The following RCSD1 variants were observed in gnomAD, a reference collection of about 807,000 sequenced individuals.
The protein encoded by RCSD1 is RCSD domain containing 1.
In RCSD1, 26 loss-of-function variants were observed where a neutral mutation model predicts 42.5. The ratio of observed to expected loss-of-function variants is 0.61; its 90% CI spans 0.45 to 0.85. The LOEUF (loss-of-function observed/expected upper bound fraction) is 0.85, where lower values mean the gene tolerates loss of function less well. Among genes scored for constraint, RCSD1 ranks in the 40% least tolerant of loss-of-function variants. The probability of loss-of-function intolerance (pLI) is 0.00; values close to 1 mark genes in which losing one functional copy is unlikely to be tolerated. For missense variants in RCSD1, 571 were observed against 528.3 expected, an observed-to-expected ratio of 1.08 and a Z score of -0.79; for synonymous variants, 220 against 212.2, an observed-to-expected ratio of 1.04 and a Z score of -0.32.
In RCSD1 at chr1:167,697,285, G is replaced by A; in HGVS notation, c.661G>A (p.Glu221Lys). The change falls in exon 6 of 7, where the codon GAG becomes AAG. Residue 221 changes from glutamate to lysine, a missense_variant. Transcript: ENST00000367854. The part of the protein sequence containing the change: ...SKAPGSPLSS[E>K]GAAGEGVRTL... ...GGCCCCAGGATCCCCTTTGTCCAGT[G>A]AGGGAGCAGCGGGAGAGGGAGTGAG... The A allele has an allele frequency of 1.2e-6, 2 of 1,614,178 alleles. No individual in the cohort carries two copies. The highest frequency in any genetic ancestry group is 1.7e-6 in the Non-Finnish European group (2 of 1,180,034).
chr1:167,703,326 G>A (rs938948705), intron 6 of RCSD1, among the ~76,000 whole-genome samples: 4 of 151,902 alleles, frequency 2.6e-5, no homozygotes, highest in African/African-American at 4.8e-5. Flanking sequence ...CCTCAGCCCC[G>A]AGCATGACCA....
Position 167,697,688 on chromosome 1 carries a change from G to A in RCSD1, c.1064G>A (p.Gly355Glu), listed in dbSNP as rs1030638833. Reference protein sequence around the residue: ...VKETPHSPPGGVKGGDVPKQE... With the variant: ...VKETPHSPPGEVKGGDVPKQE... The stretch of plus-strand genomic sequence containing the variant: ...GAGACCCCCCACAGTCCCCCTGGAG[G>A]AGTGAAGGGCGGAGATGTCCCCAAG... Residue 355 changes from glycine (G) to glutamate (E), a missense_variant, in exon 6 of 7, where the codon GGA becomes GAA. Gly to Glu is a moderately conservative substitution (Grantham distance 98). Coordinates refer to ENST00000367854, the MANE Select transcript of RCSD1 (RefSeq NM_052862.4). The A allele has an allele frequency of 6.2e-7, 1 of 1,604,428 alleles. No homozygotes were observed.
intron 1 of RCSD1, among the ~76,000 whole-genome samples, chr1:167,661,076 C>T (rs74120616): frequency 0.071 from 10,788 of 152,252 alleles, 903 homozygotes; most frequent in African/African-American, 0.2. Context: ...CCCCTAACCA[C>T]ATTAAGTAAA....
At chr1:167,692,759 T>C (rs948751773) in intron 4 of RCSD1, among the ~76,000 whole-genome samples, 13 of 152,222 alleles carry the variant, frequency 8.5e-5, no homozygotes, top group Admixed American at 3.3e-4. Context: ...GTCTGTATGA[T>C]ACCTTCTTTA....
chr1:167,639,494 C>A (rs1463826366), intron 1 of RCSD1, among the ~76,000 whole-genome samples: 1 of 149,570 alleles, frequency 6.7e-6, no homozygotes, highest in Non-Finnish European at 1.5e-5. Flanking sequence ...TTTTTTTTTT[C>A]TTTGTTTGTT....
chr1:167,662,945 T>C (rs1211501303), intron 1 of RCSD1, among the ~76,000 whole-genome samples: 5 of 152,236 alleles, frequency 3.3e-5, no homozygotes, highest in Admixed American at 6.5e-5. Context: ...TCTTACGTTA[T>C]GTTAAAAATG....
rs1571096022 is a variant in RCSD1, at chr1:167,685,436, C to T, written c.124C>T (p.Pro42Ser). 5.0e-6 allele frequency: 8 copies of T among 1,613,728 alleles called. No individual in the cohort carries two copies. The South Asian group carries it at 7.7e-5, about 16-fold the overall frequency. The change falls in exon 3 of 7, where the codon CCA (proline) becomes TCA (serine). Residue 42 changes from proline to serine, a missense_variant. Pro to Ser is a moderately conservative substitution (Grantham distance 74). Transcript: ENST00000367854. The part of the protein sequence containing the change: ...AAAKETPASK[P>S]TRRKPPCSLP... Reference sequence around the variant, plus strand: ...CTCCCTCCAGACACCAGCCAGTAAACCAACCCGAAGGAAACCGCCCTGTTC... The same window carrying T: ...CTCCCTCCAGACACCAGCCAGTAAATCAACCCGAAGGAAACCGCCCTGTTC...
At chr1:167,690,380 T>A (rs1354474136) in intron 4 of RCSD1, among the ~76,000 whole-genome samples, 2 of 152,146 alleles carry the variant, frequency 1.3e-5, no homozygotes, top group African/African-American at 2.4e-5. Flanking sequence ...GGTAACGGGA[T>A]ACCTCAAGAG....
intron 4 of RCSD1, among the ~76,000 whole-genome samples, chr1:167,691,629 A>G (rs576842056): frequency 6.6e-6 from 1 of 152,354 alleles, no homozygotes; most frequent in South Asian, 2.1e-4. Flanking sequence ...CAGAGGTGTC[A>G]AGACGAATAG....
At chr1:167,673,330 C>T (rs113677768) in intron 1 of RCSD1, among the ~76,000 whole-genome samples, 13 of 152,296 alleles carry the variant, frequency 8.5e-5, no homozygotes, top group South Asian at 8.3e-4. Context: ...TATCTGCTTC[C>T]GCGTAATCCT....
At chr1:167,692,813 A>G (rs1659407591) in intron 4 of RCSD1, among the ~76,000 whole-genome samples, 1 of 152,156 alleles carries the variant, frequency 6.6e-6, no homozygotes, top group South Asian at 2.1e-4. Context: ...AAACGTGTGC[A>G]ATGCTTTCAA....
intron 1 of RCSD1, among the ~76,000 whole-genome samples, chr1:167,631,439 G>A (rs547447181): frequency 2.0e-5 from 3 of 152,328 alleles, no homozygotes; most frequent in South Asian, 2.1e-4. Context: ...AGTTAACTCC[G>A]CTATCTCTTC....
chr1:167,665,723 A>G (rs964705831), intron 1 of RCSD1, among the ~76,000 whole-genome samples: 1 of 152,126 alleles, frequency 6.6e-6, no homozygotes, highest in East Asian at 1.9e-4. Flanking sequence ...TAATGTGCTT[A>G]TTAGTGATTC....
intron 1 of RCSD1, among the ~76,000 whole-genome samples, chr1:167,640,258 A>C (rs940531808): frequency 2.6e-5 from 4 of 152,150 alleles, no homozygotes; most frequent in Non-Finnish European, 1.5e-5. Flanking sequence ...GCAGAGTGTC[A>C]GCAGGACCTC....
intron 1 of RCSD1, among the ~76,000 whole-genome samples, chr1:167,680,692 C>T (rs12058376): frequency 0.15 from 23,471 of 151,950 alleles, 2,227 homozygotes; most frequent in East Asian, 0.45. Flanking sequence ...AGTCTGGTCT[C>T]GAACTCCTGA....
chr1:167,685,451 C>G lies in RCSD1; in HGVS notation c.139C>G (p.Pro47Ala). The G allele has an allele frequency of 6.2e-7, 1 of 1,613,818 alleles. No homozygotes were observed. ...AGCCAGTAAACCAACCCGAAGGAAA[C>G]CGCCCTGTTCCCTCCCCCTGTTCCC... ...TPASKPTRRKPPCSLPLFPPK... is the reference protein window; with the variant it reads ...TPASKPTRRKAPCSLPLFPPK... The change falls in exon 3 of 7, where the codon CCG (proline) becomes GCG (alanine). Residue 47 changes from proline to alanine, a missense_variant. By Grantham distance (27) the Pro-to-Ala change is conservative. Transcript: ENST00000367854.
intron 1 of RCSD1, among the ~76,000 whole-genome samples, chr1:167,672,548 A>G (rs940415025): frequency 6.6e-6 from 1 of 152,122 alleles, no homozygotes; most frequent in Non-Finnish European, 1.5e-5. Flanking sequence ...TCCTTCCTCC[A>G]TCTTCAAAGA....
At chr1:167,646,446 TAAA>T (rs10530984) in intron 1 of RCSD1, among the ~76,000 whole-genome samples, 93,812 of 136,784 alleles carry the variant, frequency 0.69, 32,185 homozygotes, top group East Asian at 0.82. Context: ...AACACTTTTC[TAAA>T]AAAAAAAAAA....
chr1:167,682,417 C>T (rs1271522444), intron 1 of RCSD1, among the ~76,000 whole-genome samples: 1 of 152,188 alleles, frequency 6.6e-6, no homozygotes, highest in Non-Finnish European at 1.5e-5. Flanking sequence ...GATCAACTGC[C>T]TCGGCCTCCC....
Sources: gnomAD v4.1 joint callset for allele counts (sites outside exome capture counted in the v4.1 genomes callset) on GRCh38, gnomAD v4.1.1 for gene constraint, MANE v1.5 for transcripts, NCBI Gene and HGNC (gene_info 2026-07-23, HGNC 2026-07-21) for gene names.